The following FDX1 variants were observed in gnomAD, a reference collection of about 807,000 sequenced individuals.
FDX1 encodes adrenodoxin, mitochondrial.
Under a neutral mutation model 14.9 loss-of-function variants are expected in FDX1, and 9 were observed. That is an observed-to-expected ratio of 0.60 (90% confidence interval 0.36 to 1.05). The LOEUF (loss-of-function observed/expected upper bound fraction) is 1.05. Ranked by LOEUF, FDX1 falls within the 50% of genes least tolerant of loss-of-function variation. FDX1 has a pLI of 0.01. For missense variants in FDX1, 204 were observed against 237.2 expected (o/e 0.86, Z 0.92); for synonymous variants, 92 against 99.4 (o/e 0.93, Z 0.44).
chr11:110,444,743 T>TATACAC (rs1369789746), intron 2 of FDX1, among the ~76,000 whole-genome samples: 6 of 44,730 alleles, frequency 1.3e-4, no homozygotes, highest in African/African-American at 5.8e-4. Context: ...TATATATATA[T>TATACAC]ACACGTATAT....
At chr11:110,454,033 A>G (rs1241361111) in intron 2 of FDX1, among the ~76,000 whole-genome samples, 1 of 152,254 alleles carries the variant, frequency 6.6e-6, no homozygotes, top group African/African-American at 2.4e-5. Context: ...ATAGTGAGGG[A>G]TCATGAATGT....
chr11:110,436,944 C>G (rs779911448), intron 2 of FDX1, among the ~76,000 whole-genome samples: 60 of 152,144 alleles, frequency 3.9e-4, no homozygotes, highest in Non-Finnish European at 7.6e-4. Flanking sequence ...CCTGAGTCAC[C>G]TCATGGAGTA....
intron 2 of FDX1, among the ~76,000 whole-genome samples, chr11:110,438,191 T>C (rs1429466527): frequency 2.0e-5 from 3 of 152,222 alleles, no homozygotes; most frequent in African/African-American, 7.2e-5. Context: ...TTTTAGTTCT[T>C]TGAGAAATCT....
At chr11:110,430,544 G>A (rs2134562912) in intron 1 of FDX1, among the ~76,000 whole-genome samples, 1 of 152,334 alleles carries the variant, frequency 6.6e-6, no homozygotes, top group East Asian at 1.9e-4. Context: ...CCCACTCCCG[G>A]CGGGAATCGG....
At chr11:110,450,010 C>T (rs1425992145) in intron 2 of FDX1, among the ~76,000 whole-genome samples, 1 of 152,132 alleles carries the variant, frequency 6.6e-6, no homozygotes, top group Non-Finnish European at 1.5e-5. Context: ...CATTTCCTTA[C>T]CCCCACTCCC....
intron 2 of FDX1, among the ~76,000 whole-genome samples, chr11:110,442,826 A>G (rs1197245187): frequency 1.3e-5 from 2 of 152,298 alleles, no homozygotes; most frequent in Non-Finnish European, 1.5e-5. Context: ...TGGTCTAGCC[A>G]TGTCCCCTCC....
intron 2 of FDX1, among the ~76,000 whole-genome samples, chr11:110,443,400 T>C (rs964578771): frequency 3.3e-5 from 5 of 152,018 alleles, no homozygotes; most frequent in Non-Finnish European, 4.4e-5. Flanking sequence ...ACCACATCAT[T>C]TAACATGCCG....
intron 2 of FDX1, among the ~76,000 whole-genome samples, chr11:110,451,323 G>T (rs1946485010): frequency 6.6e-6 from 1 of 152,140 alleles, no homozygotes; most frequent in Non-Finnish European, 1.5e-5. Flanking sequence ...GGGATAAAAT[G>T]CATTGCACCT....
At chr11:110,453,605 T>C (rs1946501005) in intron 2 of FDX1, among the ~76,000 whole-genome samples, 2 of 151,864 alleles carry the variant, frequency 1.3e-5, no homozygotes, top group Non-Finnish European at 2.9e-5. Context: ...GTGTCTCCAA[T>C]ATTCTCTAAA....
chr11:110,452,945 C>T (rs946713615), intron 2 of FDX1, among the ~76,000 whole-genome samples: 5 of 152,148 alleles, frequency 3.3e-5, no homozygotes, highest in African/African-American at 7.2e-5. Flanking sequence ...ACTGTGACAA[C>T]AAAGCAACAG....
intron 2 of FDX1, among the ~76,000 whole-genome samples, chr11:110,452,887 A>G (rs1297386952): frequency 6.6e-6 from 1 of 152,244 alleles, no homozygotes; most frequent in Admixed American, 6.5e-5. Context: ...ACTAAACCAC[A>G]GTGATAGAGA....
chr11:110,435,716 G>A (rs1034718982), intron 1 of FDX1, 118 bp from the exon 2 acceptor site: 21 of 644,720 alleles, frequency 3.3e-5, no homozygotes, highest in South Asian at 2.1e-4. Context: ...TTAGCCAGGC[G>A]TGGTGCTGGG....
chr11:110,437,291 G>T (rs114725653), intron 2 of FDX1, among the ~76,000 whole-genome samples: 2,873 of 152,310 alleles, frequency 0.019, 75 homozygotes, highest in African/African-American at 0.061. Context: ...ACCATGCCCA[G>T]CCTTGAATAC....
chr11:110,459,546 A>G (rs1308669204), intron 3 of FDX1, among the ~76,000 whole-genome samples: 2 of 152,200 alleles, frequency 1.3e-5, no homozygotes, highest in Non-Finnish European at 2.9e-5. Context: ...TTGGGCCCCA[A>G]AGCCTTTAGT....
intron 2 of FDX1, among the ~76,000 whole-genome samples, chr11:110,447,920 AAAGTC>A (rs1472110726): frequency 6.6e-6 from 1 of 152,240 alleles, no homozygotes; most frequent in African/African-American, 2.4e-5. Flanking sequence ...GATGAGGGAT[AAAGTC>A]ATTCCTGTTT....
intron 2 of FDX1, among the ~76,000 whole-genome samples, chr11:110,449,927 C>T (rs1029229113): frequency 1.3e-5 from 2 of 152,222 alleles, no homozygotes; most frequent in African/African-American, 4.8e-5. Flanking sequence ...TGTGCTCGGC[C>T]TGTGCTAGAG....
intron 2 of FDX1, among the ~76,000 whole-genome samples, chr11:110,456,631 C>A (rs1946524133): frequency 6.6e-6 from 1 of 151,542 alleles, no homozygotes; most frequent in Admixed American, 6.6e-5. Flanking sequence ...CTCAGCTTCC[C>A]TAGTAGCTGG....
At chr11:110,443,572 C>G (rs754157812) in intron 2 of FDX1, among the ~76,000 whole-genome samples, 16 of 151,574 alleles carry the variant, frequency 1.1e-4, no homozygotes, top group Non-Finnish European at 2.1e-4. Flanking sequence ...TCCTGAGTAG[C>G]TGGGATTACA....
intron 2 of FDX1, among the ~76,000 whole-genome samples, chr11:110,436,257 G>A (rs1946368542): frequency 6.6e-6 from 1 of 152,150 alleles, no homozygotes; most frequent in Non-Finnish European, 1.5e-5. Flanking sequence ...TACCAGGTTA[G>A]AGAGAATAAA....
Sources: allele counts gnomAD v4.1 joint callset (sites outside exome capture counted in the v4.1 genomes callset), GRCh38; gene constraint gnomAD v4.1.1; transcripts MANE v1.5; gene names NCBI Gene and HGNC (gene_info 2026-07-23, HGNC 2026-07-21).